Variants in FIS1 observed in about 807,000 individuals in gnomAD.
The protein encoded by FIS1 is fission, mitochondrial 1.
FIS1 carries 16 observed loss-of-function variants against 21.6 expected under a neutral mutation model. That is an observed-to-expected ratio of 0.74 (90% CI 0.50 to 1.12). FIS1 has a LOEUF of 1.12. Ranked by LOEUF, FIS1 falls within the 50% of genes most tolerant of loss-of-function variation. The pLI is 0.00. For synonymous variants in FIS1, 92 were observed against 82.2 expected, an observed-to-expected ratio of 1.12 and a Z score of -0.65; for missense variants, 198 against 190.9, an observed-to-expected ratio of 1.04 and a Z score of -0.22.
At chr7:101,244,183 C>G in intron 1 of FIS1, 44 bp from the exon 2 acceptor site, 1 of 1,593,642 alleles carries the variant, frequency 6.3e-7, no homozygotes, top group Non-Finnish European at 8.6e-7. Flanking sequence ...TGTAGGGCGT[C>G]AACCATTCTC....
chr7:101,245,012 G>GC lies in FIS1; in HGVS notation c.-9dup. 1 of 1,613,748 alleles carries GC rather than the reference G, an allele frequency of 6.2e-7. No individual in the cohort carries two copies. The highest frequency in any genetic ancestry group is 8.5e-7 in the Non-Finnish European group (1 of 1,179,848). On this transcript the variant is annotated 5_prime_UTR_variant, in exon 1 of 5. Transcript: ENST00000223136. ...GTTCAGCACGGCCTCCATGGCCACT[G>GC]CCCCCGCGAGCCTCACACTACAGTC...
chr7:101,244,860 C>A, intron 1 of FIS1, 100 bp downstream of exon 1: 4 of 1,485,774 alleles, frequency 2.7e-6, no homozygotes, highest in Non-Finnish European at 3.7e-6. Flanking sequence ...CGGCTTCCCT[C>A]GGCCAAGCCG....
chr7:101,244,640 G>A (rs1486541945), intron 1 of FIS1: 8 of 486,758 alleles, frequency 1.6e-5, no homozygotes, highest in Non-Finnish European at 2.6e-5. Flanking sequence ...CCTTATGATG[G>A]TCACTGTATT....
rs1020515671 is a variant in FIS1 at position 101,240,814 on chromosome 7, G to T, written c.255+16C>A. 16 of 1,612,808 alleles carry T rather than the reference G, an allele frequency of 9.9e-6. No individual in the cohort carries two copies. Among genetic ancestry groups the T allele is most frequent in the Non-Finnish European group, 1.4e-5 (16 of 1,179,462 alleles). On this transcript the variant is annotated intron_variant, in intron 3 of 4. Transcript: ENST00000223136. ...AGCCCCAGAGGAGGGTGAAGGGAAC[G>T]GGGTCCCCACCTCACCTTGAGCCGG...
intron 2 of FIS1, among the ~76,000 whole-genome samples, chr7:101,242,221 T>C (rs1798759627): frequency 6.6e-6 from 1 of 152,120 alleles, no homozygotes; most frequent in Non-Finnish European, 1.5e-5. Context: ...CCACAGTGCC[T>C]GGCCCCACCT....
At position 101,239,489 on chromosome 7, in the gene FIS1, G is replaced by A. The variant is rs1358234457; in HGVS notation, c.*317C>T. 4 of 437,474 alleles carry A rather than the reference G, an allele frequency of 9.1e-6. No homozygotes were observed. The highest frequency in any genetic ancestry group is 4.9e-5 in the East Asian group (1 of 20,434). The allele number at this position is 437,474 out of a possible 1,614,324, so 27.1% of individuals were successfully genotyped here. ...AGGAAGGGTGTGGGCTCTGGGCTGC[G>A]GGGTGGACAAAGAACCCCGTGCCAA... On this transcript the variant is annotated 3_prime_UTR_variant, in exon 5 of 5. Coordinates refer to ENST00000223136, the MANE Select transcript of FIS1 (RefSeq NM_016068.3).
chr7:101,240,750 C>G, intron 3 of FIS1, 80 bp downstream of exon 3: 4 of 1,415,870 alleles, frequency 2.8e-6, no homozygotes, highest in Non-Finnish European at 4.0e-6. Flanking sequence ...TCCCGCTGTC[C>G]AGGGCTCCAC....
intron 3 of FIS1, 124 bp from the exon 4 acceptor site, chr7:101,240,371 C>T (rs766114967): frequency 4.5e-5 from 39 of 867,918 alleles, no homozygotes; most frequent in Non-Finnish European, 6.8e-5. Context: ...CAATCACAGC[C>T]CACTGCAACC....
At chr7:101,243,066 T>TTA (rs1338217961) in intron 2 of FIS1, among the ~76,000 whole-genome samples, 2 of 152,292 alleles carry the variant, frequency 1.3e-5, no homozygotes, top group East Asian at 3.9e-4. Flanking sequence ...CCATGCGATT[T>TTA]TATATACGGG....
In FIS1 at chr7:101,240,235, C is replaced by T; in HGVS notation, c.268G>A (p.Ala90Thr). The T allele has an allele frequency of 6.2e-7, 1 of 1,614,218 alleles. No individual in the cohort carries two copies. Among genetic ancestry groups the T allele is most frequent in the Non-Finnish European group, 8.5e-7 (1 of 1,180,024 alleles). ...AGCAACCCGCGGACGTACTTTAAGGCCTTCTCGTATTCCTGCGCTCGGGGA... is the reference window on the plus strand; with the variant it reads ...AGCAACCCGCGGACGTACTTTAAGGTCTTCTCGTATTCCTGCGCTCGGGGA... ...GNYRLKEYEK[A>T]LKYVRGLLQT... Residue 90 changes from alanine (A) to threonine (T), a missense_variant, in exon 4 of 5, where the codon GCC becomes ACC. Coordinates refer to ENST00000223136, the MANE Select transcript of FIS1 (RefSeq NM_016068.3).
At chr7:101,243,646 G>A (rs570627867) in intron 2 of FIS1, among the ~76,000 whole-genome samples, 1 of 152,296 alleles carries the variant, frequency 6.6e-6, no homozygotes, top group African/African-American at 2.4e-5. Flanking sequence ...CCTCTTCCAT[G>A]CCACAAAAGA....
At chr7:101,244,469 C>T (rs1239808829) in intron 1 of FIS1, 1 of 351,796 alleles carries the variant, frequency 2.8e-6, no homozygotes, top group Non-Finnish European at 5.3e-6. Flanking sequence ...ACAGCCCACG[C>T]GGTCCTCATT....
chr7:101,244,793 A>G (rs953754207), intron 1 of FIS1, 167 bp downstream of exon 1: 2 of 756,654 alleles, frequency 2.6e-6, no homozygotes, highest in Non-Finnish European at 4.4e-6. Context: ...CCTCTGCGGC[A>G]TAGCAGGCCC....
chr7:101,242,676 A>G (rs571781589), intron 2 of FIS1, among the ~76,000 whole-genome samples: 1 of 152,002 alleles, frequency 6.6e-6, no homozygotes, highest in Admixed American at 6.6e-5. Context: ...TTTAGTAGAG[A>G]CAGGGTTTCA....
intron 1 of FIS1, chr7:101,244,474 C>G (rs1259162793): frequency 5.7e-6 from 2 of 352,350 alleles, no homozygotes; most frequent in East Asian, 1.2e-4. Context: ...CCACGCGGTC[C>G]TCATTTGAGG....
At position 101,244,996 on chromosome 7, in the gene FIS1, G is replaced by A; in HGVS notation, c.9C>T (p.Ala3=). The A allele has an allele frequency of 1.5e-5, 25 of 1,613,916 alleles. No homozygotes were observed. Among genetic ancestry groups the A allele is most frequent in the Non-Finnish European group, 2.1e-5 (25 of 1,179,916 alleles). Residue 3 remains alanine (A), a synonymous_variant, in exon 1 of 5, where the codon GCC becomes GCT. Transcript: ENST00000223136. ME[A]VLNELVSVED... is the part of the protein sequence containing the mutation. ...CCACAGACACCAGCTCGTTCAGCAC[G>A]GCCTCCATGGCCACTGCCCCCGCGA...
rs1241170863 is a variant in FIS1, at chr7:101,244,098, C to G, written c.87G>C (p.Ser29=). ...KKFQSEKAAG[S]VSKSTQFEYA... ...ACTCAAACTGCGTGCTCTTGGACACCGAGCCTGCTGCCTTCTCAGACTGAA... is the reference window on the plus strand; with the variant it reads ...ACTCAAACTGCGTGCTCTTGGACACGGAGCCTGCTGCCTTCTCAGACTGAA... The change falls in exon 2 of 5, where the codon TCG becomes TCC. Residue 29 remains serine, a synonymous_variant. Coordinates refer to ENST00000223136, the MANE Select transcript of FIS1 (RefSeq NM_016068.3). The G allele has an allele frequency of 1.2e-6, 2 of 1,613,850 alleles. No individual in the cohort carries two copies. Among genetic ancestry groups the G allele is most frequent in the African/African-American group, 2.7e-5 (2 of 74,924 alleles).
In FIS1 at chr7:101,244,014, C is replaced by T. The variant is rs1370726834; in HGVS notation, c.171G>A (p.Leu57=). Residue 57 remains leucine, a synonymous_variant, in exon 2 of 5, where the codon CTG becomes CTA. Transcript: ENST00000223136. ...YNDDIRKGIV[L]LEELLPKGSK... ...GAGAGTACAGCGCCTCACCCTCGAGCAGCACGATGCCTTTACGGATGTCAT... is the reference window on the plus strand; with the variant it reads ...GAGAGTACAGCGCCTCACCCTCGAGTAGCACGATGCCTTTACGGATGTCAT... The T allele has an allele frequency of 1.9e-6, 3 of 1,612,936 alleles. No individual in the cohort carries two copies. Among genetic ancestry groups the T allele is most frequent in the Non-Finnish European group, 2.5e-6 (3 of 1,179,602 alleles).
intron 1 of FIS1, chr7:101,244,558 T>C: frequency 8.6e-6 from 3 of 350,278 alleles, no homozygotes; most frequent in Non-Finnish European, 1.1e-5. Flanking sequence ...AGTGCCTACC[T>C]CCTAGAGCTA....
Sources: gnomAD v4.1 joint callset for allele counts (sites outside exome capture counted in the v4.1 genomes callset) on GRCh38, gnomAD v4.1.1 for gene constraint, MANE v1.5 for transcripts, NCBI Gene and HGNC (gene_info 2026-07-23, HGNC 2026-07-21) for gene names.